Variants in TRIO observed in about 807,000 individuals in gnomAD.
TRIO encodes the protein triple functional domain protein.
TRIO carries 58 observed loss-of-function variants against 351.9 expected under a neutral mutation model. The observed-to-expected ratio is 0.16, with a 90% CI of 0.13 to 0.21. The LOEUF (loss-of-function observed/expected upper bound fraction) is 0.21. Ranked by LOEUF, TRIO falls within the 10% of genes least tolerant of loss-of-function variation. The probability of loss-of-function intolerance (pLI) is 1.00; values close to 1 mark genes in which losing one functional copy is unlikely to be tolerated. For missense variants in TRIO, 3,201 were observed against 4,027.8 expected (o/e 0.79, Z 5.56); for synonymous variants, 1,758 against 1,595.7 (o/e 1.10, Z -2.42).
intron 1 of TRIO, among the ~76,000 whole-genome samples, chr5:14,240,981 C>G (rs1261673813): frequency 6.6e-6 from 1 of 152,058 alleles, no homozygotes; most frequent in African/African-American, 2.4e-5. Context: ...TCTTGGGTCC[C>G]TAGAATGAGT....
chr5:14,175,349 T>C (rs535203178), intron 1 of TRIO, among the ~76,000 whole-genome samples: 1 of 152,356 alleles, frequency 6.6e-6, no homozygotes, highest in East Asian at 1.9e-4. Flanking sequence ...CTAATTCCTT[T>C]CCAGTTTTTT....
At chr5:14,181,985 C>T (rs1175730675) in intron 1 of TRIO, among the ~76,000 whole-genome samples, 1 of 151,816 alleles carries the variant, frequency 6.6e-6, no homozygotes, top group Non-Finnish European at 1.5e-5. Context: ...CCATCCCCAT[C>T]CTCCCTGACT....
In TRIO at chr5:14,487,846, G is replaced by A. The variant is rs756038679; in HGVS notation, c.7218G>A (p.Ala2406=). The A allele has an allele frequency of 4.6e-6, 7 of 1,524,354 alleles. No homozygotes were observed. The highest frequency in any genetic ancestry group is 2.9e-5 in the African/African-American group (2 of 69,986). The allele number at this position is 1,524,354 out of a possible 1,614,324, so 94.4% of individuals were successfully genotyped here. Residue 2406 remains alanine (A), a synonymous_variant, in exon 48 of 57, where the codon GCG becomes GCA. Transcript: ENST00000344204. ...ACGCCGAGGGGTCCGAGCGAGAAGCGGAGCCGATCCCCAAGATGAAGGTGC... is the reference window on the plus strand; with the variant it reads ...ACGCCGAGGGGTCCGAGCGAGAAGCAGAGCCGATCCCCAAGATGAAGGTGC... ...GADAEGSERE[A]EPIPKMKVLE...
At chr5:14,275,575 CTTTT>C (rs34438851) in intron 2 of TRIO, among the ~76,000 whole-genome samples, 3 of 149,384 alleles carry the variant, frequency 2.0e-5, no homozygotes, top group Non-Finnish European at 4.5e-5. Flanking sequence ...TATAGGAAAA[CTTTT>C]TTTTTTAAGT....
intron 34 of TRIO, among the ~76,000 whole-genome samples, chr5:14,436,537 C>T (rs1474151754): frequency 6.6e-6 from 1 of 152,176 alleles, no homozygotes; most frequent in East Asian, 1.9e-4. Context: ...AGCAATAACT[C>T]AAAAGTCCAC....
At chr5:14,364,555 A>C in intron 14 of TRIO, 95 bp from the exon 15 acceptor site, 1 of 1,461,374 alleles carries the variant, frequency 6.8e-7, no homozygotes, top group Non-Finnish European at 9.3e-7. Context: ...AGCTGGGCAG[A>C]TCATTCACAA....
At chr5:14,295,426 A>T (rs192375409) in intron 6 of TRIO, among the ~76,000 whole-genome samples, 1 of 152,312 alleles carries the variant, frequency 6.6e-6, no homozygotes, top group African/African-American at 2.4e-5. Flanking sequence ...TGATGGAGAG[A>T]TGGAAAAAGC....
At chr5:14,190,346 C>CA (rs1790382530) in intron 1 of TRIO, among the ~76,000 whole-genome samples, 3 of 152,050 alleles carry the variant, frequency 2.0e-5, no homozygotes, top group Admixed American at 6.6e-5. Flanking sequence ...ACAGCAAACT[C>CA]AGACAATCTG....
chr5:14,386,262 A>T (rs1464836189), intron 21 of TRIO, among the ~76,000 whole-genome samples: 1 of 152,076 alleles, frequency 6.6e-6, no homozygotes, highest in Non-Finnish European at 1.5e-5. Context: ...AGAGGCCCCA[A>T]GGAGGGTGCT....
intron 9 of TRIO, among the ~76,000 whole-genome samples, chr5:14,317,356 G>A (rs1056301921): frequency 2.0e-5 from 3 of 152,148 alleles, no homozygotes; most frequent in Admixed American, 6.5e-5. Flanking sequence ...ATAGCTTTAG[G>A]GATAAATAAG....
rs1270560538 is a variant in TRIO, at chr5:14,509,420, A to G, written c.*998A>G. On this transcript the variant is annotated 3_prime_UTR_variant, in exon 57 of 57. Coordinates refer to ENST00000344204, the MANE Select transcript of TRIO (RefSeq NM_007118.4). The stretch of plus-strand genomic sequence containing the variant: ...TTGGCGGGTGGGTGGGTAGGGTCGT[A>G]GCCCTGTGCCATCGGTTCAAAGAGA... 2.1e-6 allele frequency: 1 copy of G among 470,746 alleles called. No homozygotes were observed. The allele number at this position is 470,746 out of a possible 1,614,324, so 29.2% of individuals were successfully genotyped here.
chr5:14,255,501 C>A (rs1184737290), intron 1 of TRIO, among the ~76,000 whole-genome samples: 8 of 152,202 alleles, frequency 5.3e-5, no homozygotes, highest in African/African-American at 1.9e-4. Context: ...GTAGATGAGT[C>A]ATGCAAACTG....
chr5:14,179,337 T>C (rs1789606667), intron 1 of TRIO, among the ~76,000 whole-genome samples: 1 of 152,260 alleles, frequency 6.6e-6, no homozygotes, highest in South Asian at 2.1e-4. Context: ...TTAATTACTC[T>C]GTAATACTAC....
rs1415590105 is a variant in TRIO, at chr5:14,336,402, A to G, written c.1855-134A>G. ...ATTCCCAAAATCATCTCTCCCCATC[A>G]TATTTTTCTGTTTGATTCATGTAAG... On this transcript the variant is annotated intron_variant, in intron 10 of 56. Coordinates refer to ENST00000344204, the MANE Select transcript of TRIO (RefSeq NM_007118.4). The G allele has an allele frequency of 7.8e-5, 69 of 886,924 alleles. 1 individual carries two copies. Among genetic ancestry groups the G allele is most frequent in the Non-Finnish European group, 1.2e-5 (7 of 569,972 alleles). The allele number at this position is 886,924 out of a possible 1,614,324, so 54.9% of individuals were successfully genotyped here.
At chr5:14,379,950 G>A (rs1579481219) in intron 20 of TRIO, among the ~76,000 whole-genome samples, 3 of 152,116 alleles carry the variant, frequency 2.0e-5, no homozygotes, top group East Asian at 3.9e-4. Flanking sequence ...GGCCCCTCCC[G>A]CCTGCTGGCC....
intron 38 of TRIO, among the ~76,000 whole-genome samples, 167 bp from the exon 39 acceptor site, chr5:14,472,425 T>C (rs1431529341): frequency 6.6e-6 from 1 of 152,248 alleles, no homozygotes; most frequent in African/African-American, 2.4e-5. Flanking sequence ...GGTCACCCAC[T>C]TGAACCTGTA....
At chr5:14,388,727 C>T (rs372273235) in intron 24 of TRIO, 48 bp downstream of exon 24, 166 of 1,539,806 alleles carry the variant, frequency 1.1e-4, no homozygotes, top group Non-Finnish European at 1.3e-4. Flanking sequence ...TTAGATTGAG[C>T]ATAAGCTTGC....
rs189038923 is a variant in TRIO, at chr5:14,165,589, A to G, written c.157+21707A>G. ...TATTTTTATTTTATTCTTCCTGTTG[A>G]CCCTCTGTCTGTCTTTCTGAGGCTC... On this transcript the variant is annotated intron_variant, in intron 1 of 56. Coordinates refer to ENST00000344204, the MANE Select transcript of TRIO (RefSeq NM_007118.4). 2.1e-4 allele frequency among the ~76,000 whole-genome samples: 31 copies of G among 147,562 alleles called. No individual in the cohort carries two copies. In the East Asian group the frequency reaches 5.5e-3, roughly 26 times the overall value.
At position 14,414,986 on chromosome 5, in the gene TRIO, A is replaced by G. The variant is rs1425034349; in HGVS notation, c.4960-4792A>G. On this transcript the variant is annotated intron_variant, in intron 33 of 56. Coordinates refer to ENST00000344204, the MANE Select transcript of TRIO (RefSeq NM_007118.4). The stretch of plus-strand genomic sequence containing the variant: ...CCCTTTTTTGTAACCATTGCTAGCA[A>G]TAGCACTGTACTCTCTAATTCCCTT... Among the ~76,000 whole-genome samples, 6 of 152,184 alleles carry G rather than the reference A, an allele frequency of 3.9e-5. No individual in the cohort carries two copies. In the East Asian group the frequency reaches 1.2e-3, roughly 29 times the overall value.
Sources: gnomAD v4.1 joint callset for allele counts (sites outside exome capture counted in the v4.1 genomes callset) on GRCh38, gnomAD v4.1.1 for gene constraint, MANE v1.5 for transcripts, NCBI Gene and HGNC (gene_info 2026-07-23, HGNC 2026-07-21) for gene names.